The following SGCZ variants were observed in gnomAD, a reference collection of about 807,000 sequenced individuals.
SGCZ encodes the protein zeta-sarcoglycan.
A neutral mutation model predicts 41.3 loss-of-function variants in SGCZ; 40 were observed. The observed-to-expected ratio is 0.97, with a 90% confidence interval of 0.75 to 1.26. The LOEUF (loss-of-function observed/expected upper bound fraction) is 1.26, where lower values mean the gene tolerates loss of function less well. Ranked by LOEUF, SGCZ falls within the 50% of genes most tolerant of loss-of-function variation. The pLI is 0.00. For missense variants in SGCZ, 552 were observed against 369.8 expected, an observed-to-expected ratio of 1.49 and a Z score of -4.04; for synonymous variants, 206 against 137.5, an observed-to-expected ratio of 1.50 and a Z score of -3.49.
chr8:14,516,550 T>C (rs1004793329), intron 2 of SGCZ, among the ~76,000 whole-genome samples: 17 of 152,130 alleles, frequency 1.1e-4, no homozygotes, highest in African/African-American at 4.1e-4. Flanking sequence ...GTTTTCTACA[T>C]GACCTGTTTC....
intron 2 of SGCZ, among the ~76,000 whole-genome samples, chr8:14,542,787 G>A (rs922055296): frequency 6.6e-6 from 1 of 151,610 alleles, no homozygotes; most frequent in Non-Finnish European, 1.5e-5. Context: ...TTTTATTGGT[G>A]TATTTCATAT....
intron 2 of SGCZ, among the ~76,000 whole-genome samples, chr8:14,342,949 G>A (rs562105835): frequency 2.6e-5 from 4 of 152,234 alleles, no homozygotes; most frequent in Admixed American, 2.6e-4. Flanking sequence ...TCCCTGGGCT[G>A]TGTGTGCAGC....
chr8:14,539,209 C>T (rs918749886), intron 2 of SGCZ, among the ~76,000 whole-genome samples: 3 of 151,990 alleles, frequency 2.0e-5, no homozygotes, highest in Admixed American at 6.6e-5. Context: ...CTGGGCCTCC[C>T]GCCAAATGGC....
chr8:14,622,855 T>C (rs1354023671), intron 1 of SGCZ, among the ~76,000 whole-genome samples: 1 of 152,196 alleles, frequency 6.6e-6, no homozygotes, highest in Admixed American at 6.6e-5. Flanking sequence ...TTCAATAAAA[T>C]GACAATTCAT....
intron 2 of SGCZ, among the ~76,000 whole-genome samples, chr8:14,446,487 T>C (rs531702069): frequency 6.6e-6 from 1 of 152,340 alleles, no homozygotes; most frequent in South Asian, 2.1e-4. Flanking sequence ...GAGATTCATT[T>C]CTATTTTGAC....
At chr8:14,812,135 T>A (rs1801755717) in intron 1 of SGCZ, among the ~76,000 whole-genome samples, 2 of 151,976 alleles carry the variant, frequency 1.3e-5, no homozygotes, top group South Asian at 4.1e-4. Context: ...ATTTTAAAGA[T>A]ATTTTAAAAT....
At chr8:14,688,149 G>A (rs1585183541) in intron 1 of SGCZ, among the ~76,000 whole-genome samples, 1 of 152,112 alleles carries the variant, frequency 6.6e-6, no homozygotes, top group Non-Finnish European at 1.5e-5. Flanking sequence ...TAGGTTGCCT[G>A]TTCACTCTGA....
chr8:14,712,749 A>T (rs2117629169), intron 1 of SGCZ, among the ~76,000 whole-genome samples: 1 of 152,276 alleles, frequency 6.6e-6, no homozygotes, highest in African/African-American at 2.4e-5. Context: ...CTGCATTGCT[A>T]ACTCAGACGC....
intron 1 of SGCZ, among the ~76,000 whole-genome samples, chr8:14,914,793 C>T (rs1799378270): frequency 6.6e-6 from 1 of 152,144 alleles, no homozygotes; most frequent in Admixed American, 6.6e-5. Context: ...ACACATTAAT[C>T]CTTTCAGTAC....
intron 1 of SGCZ, among the ~76,000 whole-genome samples, chr8:14,899,427 T>C (rs1305602558): frequency 1.3e-5 from 2 of 152,166 alleles, no homozygotes; most frequent in Non-Finnish European, 2.9e-5. Context: ...CAAAAACTAA[T>C]GTTAAATTAC....
chr8:14,571,061 T>G (rs1306292706), intron 1 of SGCZ, among the ~76,000 whole-genome samples: 1 of 152,160 alleles, frequency 6.6e-6, no homozygotes, highest in East Asian at 1.9e-4. Flanking sequence ...ACTGGGTTTA[T>G]AAAGGAAAGA....
chr8:14,384,663 A>G (rs1165037425), intron 2 of SGCZ, among the ~76,000 whole-genome samples: 1 of 152,134 alleles, frequency 6.6e-6, no homozygotes, highest in Non-Finnish European at 1.5e-5. Flanking sequence ...AGGCTCAAGC[A>G]ATTGTCCTGC....
intron 1 of SGCZ, among the ~76,000 whole-genome samples, chr8:14,999,893 G>A (rs1281325890): frequency 7.2e-5 from 11 of 152,192 alleles, no homozygotes; most frequent in Admixed American, 7.2e-4. Flanking sequence ...CTGGGATAAC[G>A]TGTGAACAAG....
At position 15,151,599 on chromosome 8, in the gene SGCZ, G is replaced by T. The variant is rs556257043; in HGVS notation, c.39+85986C>A. On this transcript the variant is annotated intron_variant, in intron 1 of 7. Transcript: ENST00000382080. ...AGAAATCTGAATACATTTTCACAAA[G>T]AATGCATTATTTTTAAAGTAGAGAA... Among the ~76,000 whole-genome samples, 44 of 152,180 alleles carry T rather than the reference G, an allele frequency of 2.9e-4. No individual in the cohort carries two copies. In the South Asian group the frequency reaches 8.7e-3, roughly 30 times the overall value.
chr8:14,644,971 C>T (rs984992223), intron 1 of SGCZ, among the ~76,000 whole-genome samples: 1 of 147,910 alleles, frequency 6.8e-6, no homozygotes, highest in Non-Finnish European at 1.5e-5. Context: ...AAGTCTCCAA[C>T]GTTACTCGTT....
chr8:14,527,107 T>C (rs574755035), intron 2 of SGCZ, among the ~76,000 whole-genome samples: 25 of 152,270 alleles, frequency 1.6e-4, no homozygotes, highest in Admixed American at 1.5e-3. Flanking sequence ...TGACATGAAG[T>C]TAAGAAAATT....
At chr8:15,187,276 C>T (rs1017169949) in intron 1 of SGCZ, among the ~76,000 whole-genome samples, 2 of 152,060 alleles carry the variant, frequency 1.3e-5, no homozygotes, top group Non-Finnish European at 2.9e-5. Flanking sequence ...ATGCTTCTAA[C>T]ACAAAATGGT....
chr8:14,094,803 T>A (rs918519605), intron 7 of SGCZ, among the ~76,000 whole-genome samples: 2 of 152,108 alleles, frequency 1.3e-5, no homozygotes, highest in Non-Finnish European at 2.9e-5. Context: ...ATCTGTTGTT[T>A]CCTGACTTTT....
At chr8:14,530,989 C>T (rs1274822273) in intron 2 of SGCZ, among the ~76,000 whole-genome samples, 1 of 151,928 alleles carries the variant, frequency 6.6e-6, no homozygotes, top group Non-Finnish European at 1.5e-5. Flanking sequence ...GGAGGGGTTC[C>T]TGGTGAAACT....
Sources: allele counts gnomAD v4.1 joint callset (sites outside exome capture counted in the v4.1 genomes callset), GRCh38; gene constraint gnomAD v4.1.1; transcripts MANE v1.5; gene names NCBI Gene and HGNC (gene_info 2026-07-23, HGNC 2026-07-21).